CNTN5: variants seen among roughly 807,000 people sequenced by gnomAD.
CNTN5 encodes contactin 5.
In CNTN5, 77 loss-of-function variants were observed where a neutral mutation model predicts 129.1. That is an observed-to-expected ratio of 0.60 (90% CI 0.50 to 0.72). The LOEUF is 0.72. Ranked by LOEUF, CNTN5 falls within the 30% of genes least tolerant of loss-of-function variation. The pLI is 0.00. For missense variants in CNTN5, 1,478 were observed against 1,328.8 expected (o/e 1.11, Z -1.75); for synonymous variants, 509 against 465.6 (o/e 1.09, Z -1.20).
At chr11:99,323,560 T>A (rs1406411263) in intron 1 of CNTN5, among the ~76,000 whole-genome samples, 1 of 152,140 alleles carries the variant, frequency 6.6e-6, no homozygotes, top group Non-Finnish European at 1.5e-5. Flanking sequence ...ATTATCTCAT[T>A]TAATGTTCTC....
intron 3 of CNTN5, among the ~76,000 whole-genome samples, chr11:99,674,551 TTC>T (rs1469630330): frequency 6.6e-6 from 1 of 152,150 alleles, no homozygotes; most frequent in Non-Finnish European, 1.5e-5. Flanking sequence ...CTACTAACTC[TTC>T]ACACAGAACC....
chr11:99,918,875 C>T (rs1191908418), intron 7 of CNTN5, among the ~76,000 whole-genome samples: 1 of 152,108 alleles, frequency 6.6e-6, no homozygotes, highest in Non-Finnish European at 1.5e-5. Context: ...CCCACATTTG[C>T]TACCCACTCT....
intron 6 of CNTN5, among the ~76,000 whole-genome samples, chr11:99,851,013 A>T (rs1947856118): frequency 6.8e-6 from 1 of 146,482 alleles, no homozygotes; most frequent in Admixed American, 7.1e-5. Flanking sequence ...TTATTCACTG[A>T]TTAATTTTTT....
In CNTN5 at chr11:100,357,420, A is replaced by G. The variant is rs146880099; in HGVS notation, c.*1200A>G. 10 of 151,664 alleles carry G rather than the reference A, an allele frequency of 6.6e-5. No individual in the cohort carries two copies. The highest frequency in any genetic ancestry group is 2.2e-4 in the African/African-American group (9 of 41,386). The allele number at this position is 151,664 out of a possible 1,614,324, so 9.4% of individuals were successfully genotyped here. A position where few individuals can be genotyped will look rare whatever the true frequency, so the allele number is the denominator to read the frequency against. On this transcript the variant is annotated 3_prime_UTR_variant, in exon 25 of 25. Coordinates refer to ENST00000524871, the MANE Select transcript of CNTN5 (RefSeq NM_014361.4). ...TTCTGTGGCTTGGGAAGTAATCCTT[A>G]TTTGCTATTTCAAAGAGTCATCTTG...
intron 21 of CNTN5, among the ~76,000 whole-genome samples, chr11:100,324,170 C>G (rs1459549021): frequency 6.6e-6 from 1 of 152,114 alleles, no homozygotes; most frequent in Non-Finnish European, 1.5e-5. Flanking sequence ...TGAATATACA[C>G]TCTGATTAGT....
At chr11:99,166,798 T>A (rs2135528901) in intron 1 of CNTN5, among the ~76,000 whole-genome samples, 1 of 151,634 alleles carries the variant, frequency 6.6e-6, no homozygotes, top group East Asian at 1.9e-4. Flanking sequence ...TTCACTGTGG[T>A]CATGGTGACC....
chr11:99,857,496 C>T (rs923380625), intron 6 of CNTN5, among the ~76,000 whole-genome samples: 3 of 152,082 alleles, frequency 2.0e-5, no homozygotes, highest in African/African-American at 7.2e-5. Context: ...AGAAATACTT[C>T]ATCGATTATA....
intron 1 of CNTN5, among the ~76,000 whole-genome samples, chr11:99,323,619 A>G (rs1865662172): frequency 6.6e-6 from 1 of 152,122 alleles, no homozygotes; most frequent in Non-Finnish European, 1.5e-5. Flanking sequence ...AATTGCTAAG[A>G]AGTAATGGCA....
chr11:99,294,254 T>C (rs1052216453), intron 1 of CNTN5, among the ~76,000 whole-genome samples: 4 of 152,124 alleles, frequency 2.6e-5, no homozygotes, highest in Admixed American at 1.3e-4. Flanking sequence ...AAACGTGACC[T>C]TCTACTTACA....
intron 3 of CNTN5, among the ~76,000 whole-genome samples, chr11:99,690,711 A>G (rs1430958721): frequency 2.0e-5 from 3 of 151,986 alleles, no homozygotes; most frequent in Admixed American, 6.6e-5. Flanking sequence ...AGCTGTATTC[A>G]TAGGTATTTT....
chr11:99,783,916 C>G (rs1945411451), intron 3 of CNTN5, among the ~76,000 whole-genome samples: 1 of 151,700 alleles, frequency 6.6e-6, no homozygotes, highest in Non-Finnish European at 1.5e-5. Context: ...CACATGTATA[C>G]ATATGTAACT....
At chr11:100,262,550 T>A (rs982087421) in intron 17 of CNTN5, among the ~76,000 whole-genome samples, 1 of 152,132 alleles carries the variant, frequency 6.6e-6, no homozygotes, top group Non-Finnish European at 1.5e-5. Context: ...CAAATGCCCA[T>A]CAATGATAGC....
At chr11:99,402,342 C>G (rs1941857305) in intron 2 of CNTN5, among the ~76,000 whole-genome samples, 1 of 152,022 alleles carries the variant, frequency 6.6e-6, no homozygotes, top group Non-Finnish European at 1.5e-5. Flanking sequence ...TGGTTTTTGT[C>G]CTACATTCTG....
At chr11:100,278,129 G>T (rs1950556130) in intron 18 of CNTN5, among the ~76,000 whole-genome samples, 1 of 152,060 alleles carries the variant, frequency 6.6e-6, no homozygotes, top group South Asian at 2.1e-4. Flanking sequence ...CAGATGTATG[G>T]ATTTATGTTG....
At chr11:99,764,783 T>C (rs1944698022) in intron 3 of CNTN5, among the ~76,000 whole-genome samples, 1 of 152,156 alleles carries the variant, frequency 6.6e-6, no homozygotes, top group South Asian at 2.1e-4. Context: ...CTGGTGTGTA[T>C]TTTACACCTA....
chr11:99,231,780 G>T (rs545954684), intron 1 of CNTN5, among the ~76,000 whole-genome samples: 1 of 152,032 alleles, frequency 6.6e-6, no homozygotes, highest in African/African-American at 2.4e-5. Flanking sequence ...ATATAATTTT[G>T]GGTTTTACAT....
intron 1 of CNTN5, among the ~76,000 whole-genome samples, chr11:99,220,796 T>C (rs1860362432): frequency 6.6e-6 from 1 of 151,814 alleles, no homozygotes; most frequent in African/African-American, 2.4e-5. Flanking sequence ...TCTTAACCCA[T>C]ACAAATCAAC....
intron 1 of CNTN5, among the ~76,000 whole-genome samples, chr11:99,212,040 G>A (rs1591365252): frequency 6.6e-6 from 1 of 152,108 alleles, no homozygotes; most frequent in African/African-American, 2.4e-5. Context: ...GTTTATTACT[G>A]TATGATAAGA....
intron 2 of CNTN5, among the ~76,000 whole-genome samples, chr11:99,436,441 A>T (rs1943601993): frequency 6.6e-6 from 1 of 152,102 alleles, no homozygotes; most frequent in African/African-American, 2.4e-5. Flanking sequence ...TAGCTTCCTT[A>T]CATCTTTCAC....
Sources: gnomAD v4.1 joint callset for allele counts (sites outside exome capture counted in the v4.1 genomes callset) on GRCh38, gnomAD v4.1.1 for gene constraint, MANE v1.5 for transcripts, NCBI Gene and HGNC (gene_info 2026-07-23, HGNC 2026-07-21) for gene names.